ZNF616: variants seen among roughly 807,000 people sequenced by gnomAD.
ZNF616 encodes zinc finger protein 616.
A neutral mutation model predicts 7.6 loss-of-function variants in ZNF616; 5 were observed. That is an observed-to-expected ratio of 0.66 (90% confidence interval 0.34 to 1.38). The LOEUF is 1.38. Among genes scored for constraint, ZNF616 ranks in the 40% most tolerant of loss-of-function variants. ZNF616 has a pLI of 0.04. For missense variants in ZNF616, 913 were observed against 948.3 expected (o/e 0.96, Z 0.49); for synonymous variants, 319 against 317.2 (o/e 1.01, Z -0.06).
intron 1 of ZNF616, among the ~76,000 whole-genome samples, chr19:52,133,145 G>A (rs1347897782): frequency 6.6e-6 from 1 of 152,178 alleles, no homozygotes; most frequent in Admixed American, 6.5e-5. Context: ...CATTCAAGAG[G>A]GAATGGGAGG....
At chr19:52,131,976 TGAG>T (rs1600128171) in intron 1 of ZNF616, among the ~76,000 whole-genome samples, 2 of 151,104 alleles carry the variant, frequency 1.3e-5, no homozygotes, top group Non-Finnish European at 3.0e-5. Context: ...GCAGAGGGAG[TGAG>T]GAGGACACAG....
intron 2 of ZNF616, among the ~76,000 whole-genome samples, chr19:52,128,673 C>T (rs181093762): frequency 6.7e-6 from 1 of 148,298 alleles, no homozygotes; most frequent in Non-Finnish European, 1.5e-5. Flanking sequence ...ACCTGGGAGG[C>T]GGAGGCTGCA....
chr19:52,124,437 C>G (rs998670345), intron 2 of ZNF616, among the ~76,000 whole-genome samples: 1 of 152,154 alleles, frequency 6.6e-6, no homozygotes, highest in Non-Finnish European at 1.5e-5. Flanking sequence ...CTGTGATGAC[C>G]AGAGCAACAG....
At chr19:52,136,558 T>C (rs1216504959) in intron 1 of ZNF616, among the ~76,000 whole-genome samples, 1 of 150,746 alleles carries the variant, frequency 6.6e-6, no homozygotes, top group Non-Finnish European at 1.5e-5. Context: ...TCATACCTCT[T>C]AGGAAGGCTA....
At chr19:52,128,675 G>A (rs2088930701) in intron 2 of ZNF616, among the ~76,000 whole-genome samples, 1 of 151,248 alleles carries the variant, frequency 6.6e-6, no homozygotes, top group Non-Finnish European at 1.5e-5. Flanking sequence ...CTGGGAGGCG[G>A]AGGCTGCAGT....
chr19:52,116,118 C>T lies in ZNF616; in HGVS notation c.1046G>A (p.Gly349Glu). 1 of 1,614,128 alleles carries T rather than the reference C, an allele frequency of 6.2e-7. No homozygotes were observed. Among genetic ancestry groups the T allele is most frequent in the Non-Finnish European group, 8.5e-7 (1 of 1,180,028 alleles). ...TACATCACATTTATATGGTTTCTTT[C>T]CTGCATGGATTACCTGATGTACAGT... ...NLTVHQVIHA[G>E]KKPYKCDVCG... The change falls in exon 4 of 4, where the codon GGA becomes GAA. Residue 349 changes from glycine to glutamate, a missense_variant. Physicochemically the swap from Gly to Glu is moderately conservative, Grantham distance 98. Coordinates refer to ENST00000600228, the MANE Select transcript of ZNF616 (RefSeq NM_178523.5).
intron 1 of ZNF616, among the ~76,000 whole-genome samples, chr19:52,137,198 C>T (rs2089018702): frequency 6.6e-6 from 1 of 151,548 alleles, no homozygotes; most frequent in African/African-American, 2.4e-5. Flanking sequence ...GCGGGTGGAT[C>T]ATGAGGTCAG....
Position 52,115,475 on chromosome 19 carries a change from A to C in ZNF616, c.1689T>G (p.Arg563=). Residue 563 remains arginine, a synonymous_variant, in exon 4 of 4, where the codon CGT becomes CGG. Transcript: ENST00000600228. Reference sequence around the variant, plus strand: ...TATGAATTCTCCGATGCACTGTAAGACGTGAACATTGACTGAAGACCTTGC... The same window carrying C: ...TATGAATTCTCCGATGCACTGTAAGCCGTGAACATTGACTGAAGACCTTGC... ...ECGKVFSQCS[R]LTVHRRIHSG... 6.2e-7 allele frequency: 1 copy of C among 1,614,122 alleles called. No homozygotes were observed. Among genetic ancestry groups the C allele is most frequent in the Non-Finnish European group, 8.5e-7 (1 of 1,180,012 alleles).
In ZNF616 at chr19:52,116,395, C is replaced by A. The variant is rs749602797; in HGVS notation, c.769G>T (p.Val257Leu). Residue 257 changes from valine (V) to leucine (L), a missense_variant, in exon 4 of 4, where the codon GTA (valine) becomes TTA (leucine). Val to Leu is a conservative substitution (Grantham distance 32). Transcript: ENST00000600228. The stretch of plus-strand genomic sequence containing the variant: ...CCAGTGTGACTCCTTTGGTGTCTTA[C>A]AAAATATGAATTTTTTCTGAAGATC... ...GKIFRKNSYF[V>L]RHQRSHTGQK... 2 of 1,613,938 alleles carry A rather than the reference C, an allele frequency of 1.2e-6. No individual in the cohort carries two copies. Among genetic ancestry groups the A allele is most frequent in the African/African-American group, 2.7e-5 (2 of 74,884 alleles).
Position 52,116,156 on chromosome 19 carries a change from C to G in ZNF616, c.1008G>C (p.Arg336=). Reference sequence around the variant, plus strand: ...CCTGATGTACAGTGAGGTTTGAGCTCCGTTTAAAGGTTTTGCCACACTCAT... The same window carrying G: ...CCTGATGTACAGTGAGGTTTGAGCTGCGTTTAAAGGTTTTGCCACACTCAT... ...KCNECGKTFK[R]SSNLTVHQVI... is the part of the protein sequence containing the mutation. The change falls in exon 4 of 4, where the codon CGG becomes CGC. Residue 336 remains arginine (R), a synonymous_variant. Coordinates refer to ENST00000600228, the MANE Select transcript of ZNF616 (RefSeq NM_178523.5). 1 of 1,614,066 alleles carries G rather than the reference C, an allele frequency of 6.2e-7. No homozygotes were observed. Among genetic ancestry groups the G allele is most frequent in the Middle Eastern group, 1.7e-4 (1 of 6,060 alleles).
rs2089043741 is a variant in ZNF616 at position 52,139,894 on chromosome 19, A to ACACAGCGATAAGGCCTTTCCCTGGCGCAC, written c.-240_-239insGTGCGCCAGGGAAAGGCCTTATCGCTGTG. On this transcript the variant is annotated 5_prime_UTR_variant, in exon 1 of 4. Coordinates refer to ENST00000600228, the MANE Select transcript of ZNF616 (RefSeq NM_178523.5). This position sits in a 1 kb window ranked among gnomAD's most constrained non-coding sequence, Gnocchi z 4.1. Reference sequence around the variant, plus strand: ...TTAATCCACGTAGACTGAAACACACACACAGCGATAAGGCCTTTCCCTGGC... The same window carrying ACACAGCGATAAGGCCTTTCCCTGGCGCAC: ...TTAATCCACGTAGACTGAAACACACACACAGCGATAAGGCCTTTCCCTGGCGCACCACAGCGATAAGGCCTTTCCCTGGC... The ACACAGCGATAAGGCCTTTCCCTGGCGCAC allele has an allele frequency of 6.6e-6, 1 of 152,264 alleles. No homozygotes were observed. Among genetic ancestry groups the ACACAGCGATAAGGCCTTTCCCTGGCGCAC allele is most frequent in the Admixed American group, 6.5e-5 (1 of 15,286 alleles). The allele number at this position is 152,264 out of a possible 1,614,324, so 9.4% of individuals were successfully genotyped here.
At chr19:52,127,860 G>A (rs192108240) in intron 2 of ZNF616, among the ~76,000 whole-genome samples, 1 of 152,208 alleles carries the variant, frequency 6.6e-6, no homozygotes, top group East Asian at 1.9e-4. Context: ...TGAAAAACTG[G>A]CACAATGAAA....
chr19:52,127,147 C>G (rs1428228693), intron 2 of ZNF616, among the ~76,000 whole-genome samples: 2 of 152,064 alleles, frequency 1.3e-5, no homozygotes, highest in Non-Finnish European at 2.9e-5. Flanking sequence ...CTCCACCTCC[C>G]AAGTTCAAGG....
chr19:52,134,074 G>C (rs922107602), intron 1 of ZNF616, among the ~76,000 whole-genome samples: 4 of 152,124 alleles, frequency 2.6e-5, no homozygotes, highest in Non-Finnish European at 5.9e-5. Context: ...TTTATGGAAA[G>C]GCCGTTGTTT....
rs1279452046 is a variant in ZNF616 at position 52,115,256 on chromosome 19, A to C, written c.1908T>G (p.Asn636Lys). 6.2e-7 allele frequency: 1 copy of C among 1,613,970 alleles called. No individual in the cohort carries two copies. The highest frequency in any genetic ancestry group is 8.5e-7 in the Non-Finnish European group (1 of 1,180,026). The stretch of plus-strand genomic sequence containing the variant: ...GCTGACTAAAGGAATTCCCACACTG[A>C]TTGCATTTGTAAGGTTTCTCTCCGG... ...IHTGEKPYKCNQCGNSFSQRV... is the reference protein window; with the variant it reads ...IHTGEKPYKCKQCGNSFSQRV... The change falls in exon 4 of 4, where the codon AAT (asparagine) becomes AAG (lysine). Residue 636 changes from asparagine (N) to lysine (K), a missense_variant. Transcript: ENST00000600228.
chr19:52,123,827 G>A, intron 3 of ZNF616, 96 bp downstream of exon 3: 1 of 1,493,140 alleles, frequency 6.7e-7, no homozygotes, highest in Non-Finnish European at 9.2e-7. Flanking sequence ...TAAGGCTTCA[G>A]TCTCAAATAA....
chr19:52,120,773 T>C (rs1240042019), intron 3 of ZNF616, among the ~76,000 whole-genome samples: 1 of 152,204 alleles, frequency 6.6e-6, no homozygotes, highest in African/African-American at 2.4e-5. Flanking sequence ...ATACCAATTA[T>C]AGTTATATAT....
rs897829461 is a variant in ZNF616, at chr19:52,114,332, A to G, written c.*486T>C. ...GTGAATACTAGCTTAAAACTTAGGT[A>G]TATTTACTGCATGTGTAAATGTATT... On this transcript the variant is annotated 3_prime_UTR_variant, in exon 4 of 4. Coordinates refer to ENST00000600228, the MANE Select transcript of ZNF616 (RefSeq NM_178523.5). 1.3e-5 allele frequency: 2 copies of G among 153,874 alleles called. No individual in the cohort carries two copies. The highest frequency in any genetic ancestry group is 4.8e-5 in the African/African-American group (2 of 41,440). The allele number at this position is 153,874 out of a possible 1,614,324, so 9.5% of individuals were successfully genotyped here. A position where few individuals can be genotyped will look rare whatever the true frequency, so the allele number is the denominator to read the frequency against.
In ZNF616 at chr19:52,126,652, C is replaced by G. The variant is rs550518113; in HGVS notation, c.13-2603G>C. Among the ~76,000 whole-genome samples, 5 of 152,170 alleles carry G rather than the reference C, an allele frequency of 3.3e-5. No individual in the cohort carries two copies. In the South Asian group the frequency reaches 8.3e-4, roughly 25 times the overall value. ...GTGTGGTGGCACGTGCCTGTAGTCC[C>G]AGCTACTCAGGGAGACTGAGGCAGG... On this transcript the variant is annotated intron_variant, in intron 2 of 3. Coordinates refer to ENST00000600228, the MANE Select transcript of ZNF616 (RefSeq NM_178523.5).
Sources: gnomAD v4.1 joint callset for allele counts (sites outside exome capture counted in the v4.1 genomes callset) on GRCh38, gnomAD v4.1.1 for gene constraint, Gnocchi (gnomAD v3.1) non-coding constraint, MANE v1.5 for transcripts, NCBI Gene and HGNC (gene_info 2026-07-23, HGNC 2026-07-21) for gene names.